The following SRP68 variants were observed in gnomAD, a reference collection of about 807,000 sequenced individuals.
The protein encoded by SRP68 is signal recognition particle 68.
SRP68 carries 15 observed loss-of-function variants against 82.2 expected under a neutral mutation model. The observed-to-expected ratio is 0.18, with a 90% CI of 0.12 to 0.28. The LOEUF (loss-of-function observed/expected upper bound fraction) is 0.28. Among genes scored for constraint, SRP68 ranks in the 10% least tolerant of loss-of-function variants. The pLI is 1.00. For missense variants in SRP68, 595 were observed against 780.5 expected (o/e 0.76, Z 2.83); for synonymous variants, 261 against 292.6 (o/e 0.89, Z 1.10).
At chr17:76,054,740 T>C (rs541138348) in intron 8 of SRP68, among the ~76,000 whole-genome samples, 3 of 151,856 alleles carry the variant, frequency 2.0e-5, no homozygotes, top group Admixed American at 1.3e-4. Context: ...GGAGAATCAC[T>C]TGAACCCGGG....
chr17:76,062,284 C>T (rs983490277), intron 4 of SRP68, among the ~76,000 whole-genome samples: 1 of 102,518 alleles, frequency 9.8e-6, no homozygotes. Flanking sequence ...GAGACTCTGT[C>T]TCAGAAAAAA....
At chr17:76,061,796 C>A in intron 4 of SRP68, 10 of 291,888 alleles carry the variant, frequency 3.4e-5, no homozygotes, top group South Asian at 1.2e-4. Flanking sequence ...CCTGCCTCTA[C>A]AAAAAAATTT....
intron 8 of SRP68, among the ~76,000 whole-genome samples, chr17:76,051,145 C>A (rs1229520671): frequency 6.6e-6 from 1 of 152,194 alleles, no homozygotes; most frequent in Non-Finnish European, 1.5e-5. Flanking sequence ...CTCAGATATT[C>A]CACATGACTA....
chr17:76,054,667 C>CA (rs1310893173), intron 8 of SRP68, among the ~76,000 whole-genome samples: 2 of 151,814 alleles, frequency 1.3e-5, no homozygotes, highest in Admixed American at 1.3e-4. Context: ...ACTAAAAATA[C>CA]AAAAAATTAG....
intron 4 of SRP68, among the ~76,000 whole-genome samples, chr17:76,063,663 G>A (rs939429947): frequency 6.8e-6 from 1 of 147,358 alleles, no homozygotes; most frequent in African/African-American, 2.6e-5. Flanking sequence ...ACTCCAGCCT[G>A]GGCGACAAAG....
chr17:76,043,712 G>A (rs1014429203), intron 13 of SRP68, 117 bp downstream of exon 13: 19 of 1,152,264 alleles, frequency 1.6e-5, no homozygotes, highest in Non-Finnish European at 2.1e-5. Context: ...CAGGTCCCAC[G>A]GGCAGCCAGG....
intron 8 of SRP68, among the ~76,000 whole-genome samples, chr17:76,054,996 C>A (rs1256159025): frequency 6.6e-6 from 1 of 151,662 alleles, no homozygotes; most frequent in Non-Finnish European, 1.5e-5. Flanking sequence ...CGCTCTTATC[C>A]CCCAGGCTGG....
chr17:76,039,252 G>T lies in SRP68; in HGVS notation c.*454C>A. 2.3e-6 allele frequency: 1 copy of T among 443,580 alleles called. No homozygotes were observed. Among genetic ancestry groups the T allele is most frequent in the South Asian group, 1.6e-5 (1 of 63,368 alleles). 27.5% of individuals were successfully genotyped at this position (443,580 alleles called of 1,614,324 possible). A position where few individuals can be genotyped will look rare whatever the true frequency, so the allele number is the denominator to read the frequency against. ...GGAATAAGGCTGACCGTAATTCTGG[G>T]GTGACGTTGCCAGTTTCATAGTCAT... On this transcript the variant is annotated 3_prime_UTR_variant, in exon 16 of 16. Coordinates refer to ENST00000307877, the MANE Select transcript of SRP68 (RefSeq NM_014230.4).
intron 8 of SRP68, among the ~76,000 whole-genome samples, chr17:76,056,473 T>C (rs1367550045): frequency 6.6e-6 from 1 of 152,232 alleles, no homozygotes; most frequent in Admixed American, 6.5e-5. Context: ...AAAATTAACT[T>C]TCTAGTACTG....
At position 76,039,332 on chromosome 17, in the gene SRP68, A is replaced by G. The variant is rs2066571096; in HGVS notation, c.*374T>C. 2.1e-6 allele frequency: 1 copy of G among 472,902 alleles called. No individual in the cohort carries two copies. Among genetic ancestry groups the G allele is most frequent in the Non-Finnish European group, 4.2e-6 (1 of 238,308 alleles). 29.3% of individuals were successfully genotyped at this position (472,902 alleles called of 1,614,324 possible). A position where few individuals can be genotyped will look rare whatever the true frequency, so the allele number is the denominator to read the frequency against. Reference sequence around the variant, plus strand: ...TCACAGCAAGGATGAGTTCATTTCAAATCCATGGTACTGAAGAAGCATGAC... The same window carrying G: ...TCACAGCAAGGATGAGTTCATTTCAGATCCATGGTACTGAAGAAGCATGAC... On this transcript the variant is annotated 3_prime_UTR_variant, in exon 16 of 16. Transcript: ENST00000307877.
intron 3 of SRP68, among the ~76,000 whole-genome samples, chr17:76,065,485 G>A (rs1184344814): frequency 6.7e-6 from 1 of 150,068 alleles, no homozygotes; most frequent in Non-Finnish European, 1.5e-5. Context: ...TCTCCCAACT[G>A]GTTCTCATGA....
At chr17:76,070,850 G>GCA (rs71891783) in intron 1 of SRP68, among the ~76,000 whole-genome samples, 17,996 of 146,764 alleles carry the variant, frequency 0.12, 1,485 homozygotes, top group African/African-American at 0.25. Context: ...ACATGCACAT[G>GCA]CACACACACA....
chr17:76,055,487 G>A (rs1006522777), intron 8 of SRP68, among the ~76,000 whole-genome samples: 1 of 151,918 alleles, frequency 6.6e-6, no homozygotes, highest in Non-Finnish European at 1.5e-5. Context: ...CCGGTGCAGT[G>A]GCTGATGCCT....
intron 4 of SRP68, among the ~76,000 whole-genome samples, chr17:76,062,061 G>A (rs1036406120): frequency 6.6e-6 from 1 of 152,020 alleles, no homozygotes; most frequent in African/African-American, 2.4e-5. Context: ...GAGGTGAACG[G>A]ATCACCTGAG....
chr17:76,067,550 T>G (rs2066816643), intron 2 of SRP68, among the ~76,000 whole-genome samples: 1 of 152,154 alleles, frequency 6.6e-6, no homozygotes, highest in Non-Finnish European at 1.5e-5. Flanking sequence ...CTTGGCTCAC[T>G]GCAGCCAGGC....
chr17:76,063,013 G>C (rs1365109428), intron 4 of SRP68, among the ~76,000 whole-genome samples: 1 of 151,008 alleles, frequency 6.6e-6, no homozygotes, highest in Non-Finnish European at 1.5e-5. Context: ...TTTGTGATCT[G>C]CCCACCTTGG....
intron 3 of SRP68, among the ~76,000 whole-genome samples, chr17:76,065,531 G>A (rs1275570047): frequency 1.3e-5 from 2 of 151,250 alleles, no homozygotes; most frequent in Non-Finnish European, 2.9e-5. Context: ...TCCTATTATG[G>A]TCTCCAGGCT....
At chr17:76,063,865 C>T (rs2144523762) in intron 4 of SRP68, 111 bp downstream of exon 4, 1 of 950,370 alleles carries the variant, frequency 1.1e-6, no homozygotes, top group Non-Finnish European at 1.5e-6. Context: ...AAGTTTTTTT[C>T]CTCTTCTGAC....
At chr17:76,052,229 A>G (rs1232220095) in intron 8 of SRP68, among the ~76,000 whole-genome samples, 1 of 152,158 alleles carries the variant, frequency 6.6e-6, no homozygotes, top group Non-Finnish European at 1.5e-5. Flanking sequence ...TTGAGCGGCT[A>G]CTGCACTGGA....
Sources: gnomAD v4.1 joint callset for allele counts (sites outside exome capture counted in the v4.1 genomes callset) on GRCh38, gnomAD v4.1.1 for gene constraint, MANE v1.5 for transcripts, NCBI Gene and HGNC (gene_info 2026-07-23, HGNC 2026-07-21) for gene names.